ZNF618: variants seen among roughly 807,000 people sequenced by gnomAD.
The protein encoded by ZNF618 is neural precursor cell expressed, developmentally down-regulated 10.
ZNF618 carries 34 observed loss-of-function variants against 103.0 expected under a neutral mutation model. The observed-to-expected ratio is 0.33, with a 90% CI of 0.25 to 0.44. The LOEUF (loss-of-function observed/expected upper bound fraction) is 0.44. Among genes scored for constraint, ZNF618 ranks in the 20% least tolerant of loss-of-function variants. The pLI is 1.00. For missense variants in ZNF618, 1,059 were observed against 1,295.4 expected (o/e 0.82, Z 2.80); for synonymous variants, 551 against 542.2 (o/e 1.02, Z -0.23).
At chr9:113,921,334 G>T (rs1832624536) in intron 1 of ZNF618, among the ~76,000 whole-genome samples, 1 of 152,256 alleles carries the variant, frequency 6.6e-6, no homozygotes, top group African/African-American at 2.4e-5. Flanking sequence ...AGGCAAGCCT[G>T]TCCCAGGGTA....
intron 1 of ZNF618, among the ~76,000 whole-genome samples, chr9:113,951,575 A>G (rs915206568): frequency 0.013 from 304 of 24,104 alleles, 16 homozygotes; most frequent in African/African-American, 0.023. Flanking sequence ...GTGTGTGTGT[A>G]TATGTGTGTG....
intron 13 of ZNF618, among the ~76,000 whole-genome samples, chr9:114,040,708 A>G (rs1212815713): frequency 6.6e-6 from 1 of 152,140 alleles, no homozygotes; most frequent in South Asian, 2.1e-4. Context: ...TATGTGCCAC[A>G]TTTTCTTAAT....
At chr9:113,967,315 A>G (rs764093755) in intron 1 of ZNF618, among the ~76,000 whole-genome samples, 1 of 152,244 alleles carries the variant, frequency 6.6e-6, no homozygotes, top group Non-Finnish European at 1.5e-5. Context: ...AGAGGCTGTA[A>G]TTGATCTGTT....
intron 2 of ZNF618, among the ~76,000 whole-genome samples, chr9:113,984,401 A>T (rs920315626): frequency 1.3e-5 from 2 of 152,214 alleles, no homozygotes; most frequent in Non-Finnish European, 2.9e-5. Flanking sequence ...CCCTGCAGCT[A>T]GCAAGAGTCA....
Position 114,056,401 on chromosome 9 carries a change from T to C in ZNF618, c.*6234T>C, listed in dbSNP as rs908869620. ...GGGAGAAGAGGAAGGTTCCACTCGG[T>C]TCTTTAAGTCGCCAAAAGCCCCAGC... On this transcript the variant is annotated 3_prime_UTR_variant, in exon 15 of 15. Transcript: ENST00000374126. The C allele has an allele frequency of 6.6e-6, 1 of 152,174 alleles. No homozygotes were observed. The highest frequency in any genetic ancestry group is 2.4e-5 in the African/African-American group (1 of 41,432). 9.4% of individuals were successfully genotyped at this position (152,174 alleles called of 1,614,324 possible).
chr9:113,988,973 G>T (rs549669769), intron 3 of ZNF618, among the ~76,000 whole-genome samples: 2 of 152,316 alleles, frequency 1.3e-5, no homozygotes, highest in African/African-American at 4.8e-5. Flanking sequence ...GTGCTGCTCA[G>T]AGCAGTACCC....
intron 1 of ZNF618, among the ~76,000 whole-genome samples, chr9:113,942,023 C>T (rs10759664): frequency 0.58 from 87,555 of 151,892 alleles, 25,556 homozygotes; most frequent in East Asian, 0.68. Flanking sequence ...TGTTGGGAGA[C>T]GAAATAGGAC....
chr9:114,005,320 T>A (rs1841638798), intron 6 of ZNF618, among the ~76,000 whole-genome samples: 1 of 152,180 alleles, frequency 6.6e-6, no homozygotes, highest in African/African-American at 2.4e-5. Flanking sequence ...GACAAAAAAA[T>A]GATTCTGCTC....
At chr9:113,999,366 C>CAT (rs1564277702) in intron 4 of ZNF618, among the ~76,000 whole-genome samples, 3 of 151,932 alleles carry the variant, frequency 2.0e-5, no homozygotes, top group Non-Finnish European at 2.9e-5. Context: ...TTAGGCTGAG[C>CAT]GAGGCGCAGG....
In ZNF618 at chr9:114,056,374, C is replaced by A. The variant is rs1344886781; in HGVS notation, c.*6207C>A. ...TTCTTGTCCAAAAGTGGAACATTCC[C>A]AGGGAGAAGAGGAAGGTTCCACTCG... is the stretch of plus-strand genomic sequence containing the variant. On this transcript the variant is annotated 3_prime_UTR_variant, in exon 15 of 15. Coordinates refer to ENST00000374126, the MANE Select transcript of ZNF618 (RefSeq NM_001318042.2). 2.0e-5 allele frequency: 3 copies of A among 152,200 alleles called. No homozygotes were observed. The highest frequency in any genetic ancestry group is 4.8e-5 in the African/African-American group (2 of 41,458). 9.4% of individuals were successfully genotyped at this position (152,200 alleles called of 1,614,324 possible).
intron 2 of ZNF618, among the ~76,000 whole-genome samples, chr9:113,984,042 G>A (rs1839223748): frequency 1.3e-5 from 2 of 152,114 alleles, no homozygotes; most frequent in Admixed American, 6.6e-5. Context: ...TATAAGAGGC[G>A]CACAACACTC....
chr9:113,896,916 A>G (rs544582792), intron 1 of ZNF618, among the ~76,000 whole-genome samples: 1 of 152,182 alleles, frequency 6.6e-6, no homozygotes, highest in African/African-American at 2.4e-5. Flanking sequence ...TCTAATTTTT[A>G]TAGTTCATTT....
chr9:114,047,381 C>A (rs1191723395), intron 13 of ZNF618, among the ~76,000 whole-genome samples: 1 of 152,190 alleles, frequency 6.6e-6, no homozygotes, highest in Non-Finnish European at 1.5e-5. Flanking sequence ...TTGTGTCACA[C>A]ATGGCTTTGG....
At chr9:113,952,611 C>A (rs1397857870) in intron 1 of ZNF618, among the ~76,000 whole-genome samples, 2 of 152,236 alleles carry the variant, frequency 1.3e-5, no homozygotes, top group Non-Finnish European at 2.9e-5. Context: ...GGTTCAAGTC[C>A]AGGCCCTGCT....
At chr9:113,998,906 C>T (rs1840890519) in intron 4 of ZNF618, among the ~76,000 whole-genome samples, 2 of 152,368 alleles carry the variant, frequency 1.3e-5, no homozygotes, top group East Asian at 1.9e-4. Context: ...GTATCGTGTG[C>T]CTGCTGTGGA....
chr9:113,931,843 G>T (rs1187708704), intron 1 of ZNF618, among the ~76,000 whole-genome samples: 1 of 152,152 alleles, frequency 6.6e-6, no homozygotes, highest in East Asian at 1.9e-4. Context: ...TTTTAAATGT[G>T]TCTACTAGAA....
At chr9:113,908,607 G>A (rs916367925) in intron 1 of ZNF618, among the ~76,000 whole-genome samples, 2 of 152,212 alleles carry the variant, frequency 1.3e-5, no homozygotes, top group East Asian at 1.9e-4. Flanking sequence ...TGTGTCTGAT[G>A]GGGAAGTCAG....
chr9:113,897,470 A>G (rs79886756), intron 1 of ZNF618, among the ~76,000 whole-genome samples: 5,477 of 152,212 alleles, frequency 0.036, 572 homozygotes, highest in East Asian at 0.3. Flanking sequence ...TCCAGCCTCT[A>G]TGTTTTAATG....
Position 114,006,457 on chromosome 9 carries a change from G to A in ZNF618, c.551-893G>A, listed in dbSNP as rs1212846076. Among the ~76,000 whole-genome samples the A allele has an allele frequency of 5.3e-5, 8 of 152,194 alleles. No individual in the cohort carries two copies. In the East Asian group the frequency reaches 7.7e-4, roughly 15 times the overall value. ...CCCAAGGAACACACACATGAGGTTC[G>A]TGCCAGTGCAAACGTTAGAGTGTGC... On this transcript the variant is annotated intron_variant, in intron 6 of 14. Coordinates refer to ENST00000374126, the MANE Select transcript of ZNF618 (RefSeq NM_001318042.2).
Sources: gnomAD v4.1 joint callset for allele counts (sites outside exome capture counted in the v4.1 genomes callset) on GRCh38, gnomAD v4.1.1 for gene constraint, MANE v1.5 for transcripts, NCBI Gene and HGNC (gene_info 2026-07-23, HGNC 2026-07-21) for gene names.